Variants in SH3PXD2A observed in about 807,000 individuals in gnomAD.
SH3PXD2A encodes the protein SH3 and PX domains 2A.
A neutral mutation model predicts 115.2 loss-of-function variants in SH3PXD2A; 32 were observed. That is an observed-to-expected ratio of 0.28 (90% CI 0.21 to 0.37). The LOEUF is 0.37. Ranked by LOEUF, SH3PXD2A falls within the 10% of genes least tolerant of loss-of-function variation. SH3PXD2A has a pLI of 1.00. For missense variants in SH3PXD2A, 1,328 were observed against 1,498.7 expected (o/e 0.89, Z 1.88); for synonymous variants, 610 against 629.1 (o/e 0.97, Z 0.45).
At chr10:103,801,165 C>T (rs1248790681) in intron 2 of SH3PXD2A, 117 bp downstream of exon 2, 4 of 665,674 alleles carry the variant, frequency 6.0e-6, no homozygotes, top group Non-Finnish European at 1.1e-5. Context: ...TCCCTCTGCT[C>T]CCACCTGGAC....
At chr10:103,747,885 A>C (rs2038525390) in intron 3 of SH3PXD2A, among the ~76,000 whole-genome samples, 1 of 152,092 alleles carries the variant, frequency 6.6e-6, no homozygotes, top group Non-Finnish European at 1.5e-5. Context: ...CCTGGGCTCA[A>C]GCAATCCACC....
At chr10:103,645,548 C>T (rs1264550694) in intron 8 of SH3PXD2A, among the ~76,000 whole-genome samples, 1 of 152,140 alleles carries the variant, frequency 6.6e-6, no homozygotes, top group Non-Finnish European at 1.5e-5. Flanking sequence ...GATACCTGAC[C>T]CGGCCATTTC....
chr10:103,827,892 C>G (rs2039446223), intron 1 of SH3PXD2A, among the ~76,000 whole-genome samples: 1 of 152,216 alleles, frequency 6.6e-6, no homozygotes, highest in African/African-American at 2.4e-5. Flanking sequence ...ACTGGTTCCT[C>G]AGCTGTAAAA....
chr10:103,721,106 C>G (rs539269213), intron 5 of SH3PXD2A, among the ~76,000 whole-genome samples: 52 of 152,372 alleles, frequency 3.4e-4, no homozygotes, highest in African/African-American at 1.2e-3. Context: ...AAATGCTTCA[C>G]AGCCCCTCCC....
At chr10:103,658,351 G>A (rs2037241880) in intron 8 of SH3PXD2A, among the ~76,000 whole-genome samples, 2 of 152,228 alleles carry the variant, frequency 1.3e-5, no homozygotes. Flanking sequence ...GCCCAACAAC[G>A]CAAATGGAAA....
At chr10:103,694,490 C>T (rs2037801590) in intron 5 of SH3PXD2A, among the ~76,000 whole-genome samples, 4 of 152,248 alleles carry the variant, frequency 2.6e-5, no homozygotes, top group South Asian at 4.2e-4. Context: ...TCCTAGGCAT[C>T]GACCTTTCCC....
At chr10:103,700,351 G>A (rs1402097254) in intron 5 of SH3PXD2A, among the ~76,000 whole-genome samples, 2 of 152,238 alleles carry the variant, frequency 1.3e-5, no homozygotes, top group Non-Finnish European at 2.9e-5. Flanking sequence ...CTCTTAAATG[G>A]CATCTGGCCC....
chr10:103,807,872 C>T (rs1158550109), intron 1 of SH3PXD2A, among the ~76,000 whole-genome samples: 1 of 152,220 alleles, frequency 6.6e-6, no homozygotes, highest in East Asian at 1.9e-4. Context: ...ATTGAGCAGC[C>T]AGAAAAAGGG....
intron 1 of SH3PXD2A, among the ~76,000 whole-genome samples, chr10:103,825,279 C>G (rs1363848489): frequency 6.6e-6 from 1 of 152,156 alleles, no homozygotes; most frequent in South Asian, 2.1e-4. Flanking sequence ...ACACTTGGGC[C>G]GCTGATTTCA....
At chr10:103,727,951 TGATGATGGCCA>T (rs2038262870) in intron 4 of SH3PXD2A, among the ~76,000 whole-genome samples, 1 of 152,106 alleles carries the variant, frequency 6.6e-6, no homozygotes, top group Admixed American at 6.5e-5. Context: ...CCTGGGCTGG[TGATGATGGCCA>T]GGGCCAGGGC....
rs1388553648 is a variant in SH3PXD2A at position 103,627,321 on chromosome 10, C to T, written c.605-119G>A. 5 of 644,762 alleles carry T rather than the reference C, an allele frequency of 7.8e-6. No individual in the cohort carries two copies. The highest frequency in any genetic ancestry group is 1.4e-5 in the Non-Finnish European group (5 of 362,408). 39.9% of individuals were successfully genotyped at this position (644,762 alleles called of 1,614,324 possible). On this transcript the variant is annotated intron_variant, in intron 8 of 14. Coordinates refer to ENST00000369774, the MANE Select transcript of SH3PXD2A (RefSeq NM_001394015.1). This position sits in a 1 kb window ranked among gnomAD's most constrained non-coding sequence, Gnocchi z 4.4. The stretch of plus-strand genomic sequence containing the variant: ...AGAAGCGGAGCATGGAGCCAGATGG[C>T]CTGGGGACCCAGCAAATGCCTGGCC...
At chr10:103,708,085 G>C (rs1358223956) in intron 5 of SH3PXD2A, among the ~76,000 whole-genome samples, 1 of 152,114 alleles carries the variant, frequency 6.6e-6, no homozygotes, top group Non-Finnish European at 1.5e-5. Context: ...GGACCTGCCT[G>C]GCCTCCTTAA....
chr10:103,655,771 T>TAAAA (rs60526548), intron 8 of SH3PXD2A, among the ~76,000 whole-genome samples: 1 of 46,184 alleles, frequency 2.2e-5, no homozygotes, highest in Non-Finnish European at 4.0e-5. Context: ...AGACCCTGTC[T>TAAAA]AAAAAAAAAA....
At chr10:103,703,394 T>A (rs948512232) in intron 5 of SH3PXD2A, among the ~76,000 whole-genome samples, 6 of 152,238 alleles carry the variant, frequency 3.9e-5, no homozygotes, top group African/African-American at 1.2e-4. Context: ...ACTTGCCTGG[T>A]GTCACACAGC....
chr10:103,782,935 G>GC (rs915176609), intron 2 of SH3PXD2A, among the ~76,000 whole-genome samples: 1 of 147,150 alleles, frequency 6.8e-6, no homozygotes, highest in African/African-American at 2.6e-5. Flanking sequence ...GCATGCCTTG[G>GC]GGGGGGGGGC....
At chr10:103,680,947 A>G (rs1431810203) in intron 6 of SH3PXD2A, among the ~76,000 whole-genome samples, 1 of 152,146 alleles carries the variant, frequency 6.6e-6, no homozygotes, top group African/African-American at 2.4e-5. Flanking sequence ...CATTTCCCCC[A>G]TGTCTTTGTT....
chr10:103,732,202 C>G (rs1024600745), intron 4 of SH3PXD2A, among the ~76,000 whole-genome samples: 2 of 152,168 alleles, frequency 1.3e-5, no homozygotes, highest in African/African-American at 4.8e-5. Flanking sequence ...ACACTGCAAA[C>G]ATGTATTTCA....
chr10:103,809,197 G>T (rs1386422835), intron 1 of SH3PXD2A, among the ~76,000 whole-genome samples: 4 of 152,094 alleles, frequency 2.6e-5, no homozygotes, highest in African/African-American at 7.2e-5. Flanking sequence ...CAGATTTGGG[G>T]AACAACCACC....
At position 103,721,881 on chromosome 10, in the gene SH3PXD2A, C is replaced by T. The variant is rs61548457; in HGVS notation, c.398+2389G>A. On this transcript the variant is annotated intron_variant, in intron 5 of 14. Transcript: ENST00000369774. ...TGAGGAGCTTCAGGACCACAGTCCC[C>T]AAACCAGTGAAGCAGGTGGGAGAAA... Among the ~76,000 whole-genome samples, 6 of 152,140 alleles carry T rather than the reference C, an allele frequency of 3.9e-5. No individual in the cohort carries two copies. In the East Asian group the frequency reaches 1.2e-3, roughly 30 times the overall value.
Sources: gnomAD v4.1 joint callset for allele counts (sites outside exome capture counted in the v4.1 genomes callset) on GRCh38, gnomAD v4.1.1 for gene constraint, Gnocchi (gnomAD v3.1) non-coding constraint, MANE v1.5 for transcripts, NCBI Gene and HGNC (gene_info 2026-07-23, HGNC 2026-07-21) for gene names.